FRMPD4: variants seen among roughly 807,000 people sequenced by gnomAD.
FRMPD4 encodes the protein FERM and PDZ domain containing 4, also known as FERM and PDZ domain-containing protein 4.
In FRMPD4, 22 loss-of-function variants were observed where a neutral mutation model predicts 94.1. The ratio of observed to expected loss-of-function variants is 0.23; its 90% CI spans 0.17 to 0.33. The LOEUF (loss-of-function observed/expected upper bound fraction) is 0.33, where lower values mean the gene tolerates loss of function less well. Among genes scored for constraint, FRMPD4 ranks in the 10% least tolerant of loss-of-function variants. FRMPD4 has a pLI of 1.00. For missense variants in FRMPD4, 1,111 were observed against 1,339.9 expected (o/e 0.83, Z 2.67); for synonymous variants, 631 against 548.6 (o/e 1.15, Z -2.10).
chrX:12,655,945 C>G (rs1031226141), intron 4 of FRMPD4, among the ~76,000 whole-genome samples: 2 of 112,180 alleles, frequency 1.8e-5, no homozygotes, highest in Non-Finnish European at 3.8e-5. Flanking sequence ...ATGCTTACAC[C>G]TTCTTAGTAT....
At chrX:12,435,821 T>A (rs2057060037) in intron 1 of FRMPD4, among the ~76,000 whole-genome samples, 1 of 111,806 alleles carries the variant, frequency 8.9e-6, no homozygotes, top group Admixed American at 9.5e-5. Flanking sequence ...CTAGACCTAG[T>A]GGGAGTTTTT....
chrX:12,502,227 T>C (rs1219577205), intron 2 of FRMPD4, among the ~76,000 whole-genome samples: 1 of 112,388 alleles, frequency 8.9e-6, no homozygotes, highest in Admixed American at 9.5e-5. Context: ...ATTAACTCCA[T>C]TTTTCTGGAT....
chrX:12,698,601 G>A (rs1457279805), intron 9 of FRMPD4, among the ~76,000 whole-genome samples: 1 of 109,250 alleles, frequency 9.2e-6, no homozygotes, highest in African/African-American at 3.4e-5. Flanking sequence ...ATAAAAGCAT[G>A]ATTAGTACCA....
At chrX:11,860,933 A>G (rs1244776371) in intron 1 of FRMPD4, among the ~76,000 whole-genome samples, 1 of 112,182 alleles carries the variant, frequency 8.9e-6, no homozygotes, top group African/African-American at 3.2e-5. Flanking sequence ...CTCTATTCAC[A>G]TAAGAGCAGA....
At chrX:12,538,206 C>T (rs1406324668) in intron 2 of FRMPD4, among the ~76,000 whole-genome samples, 3 of 111,524 alleles carry the variant, frequency 2.7e-5, no homozygotes, top group Non-Finnish European at 5.7e-5. Context: ...CAGAGGGTCC[C>T]ATGCCCACGG....
intron 2 of FRMPD4, among the ~76,000 whole-genome samples, chrX:12,577,332 A>AG (rs1415033911): frequency 1.8e-5 from 2 of 111,109 alleles, no homozygotes; most frequent in Non-Finnish European, 3.8e-5. Flanking sequence ...GAAGAAAGTG[A>AG]GGGGGGATTA....
chrX:11,991,328 T>A (rs1308282431), intron 3 of FRMPD4, among the ~76,000 whole-genome samples: 2 of 111,480 alleles, frequency 1.8e-5, no homozygotes, highest in Non-Finnish European at 3.8e-5. Flanking sequence ...AGATCCAGTG[T>A]TTCAGGCATA....
At chrX:12,613,387 G>A (rs960557800) in intron 3 of FRMPD4, among the ~76,000 whole-genome samples, 8 of 112,024 alleles carry the variant, frequency 7.1e-5, no homozygotes, top group African/African-American at 9.7e-5. Flanking sequence ...GATCTAGTCC[G>A]TCCTTCAAGT....
At chrX:12,524,858 G>A (rs370154063) in intron 2 of FRMPD4, among the ~76,000 whole-genome samples, 23 of 111,567 alleles carry the variant, frequency 2.1e-4, no homozygotes, top group Admixed American at 8.6e-4. Context: ...TGTCCAACCC[G>A]CAATCCATGG....
At position 12,718,037 on chromosome X, in the gene FRMPD4, C is replaced by T; in HGVS notation, c.3211C>T (p.Arg1071Ter). 1 of 1,211,104 alleles carries T rather than the reference C, an allele frequency of 8.3e-7. No homozygotes were observed. Among genetic ancestry groups the T allele is most frequent in the Non-Finnish European group, 1.1e-6 (1 of 894,785 alleles). The part of the protein sequence containing the change: ...ASGKFGTVSS[R>*]DSQHLSTFNL... ...TGGTAAATTTGGTACTGTGTCTTCA[C>T]GAGACAGTCAACACCTGAGCACTTT... Residue 1071 changes from arginine (R) to a stop codon, truncating the protein, a stop_gained, in exon 16 of 17, where the codon CGA (arginine) becomes TGA (stop). Coordinates refer to ENST00000675598, the MANE Select transcript of FRMPD4 (RefSeq NM_001368397.1). LOFTEE classifies it high-confidence loss of function.
At chrX:12,209,043 G>T (rs928085926) in intron 1 of FRMPD4, among the ~76,000 whole-genome samples, 1 of 111,580 alleles carries the variant, frequency 9.0e-6, no homozygotes, top group Non-Finnish European at 1.9e-5. Flanking sequence ...TGAGATTAAC[G>T]ATCACATTAT....
intron 3 of FRMPD4, among the ~76,000 whole-genome samples, chrX:12,096,762 C>T (rs1266804128): frequency 9.0e-6 from 1 of 111,166 alleles, no homozygotes; most frequent in African/African-American, 3.3e-5. Context: ...TTGTGTGCAC[C>T]TATAGTCCTA....
chrX:12,263,328 G>A (rs751032835), intron 1 of FRMPD4, among the ~76,000 whole-genome samples: 1 of 111,581 alleles, frequency 9.0e-6, no homozygotes, highest in Non-Finnish European at 1.9e-5. Flanking sequence ...GTGAGAGTAT[G>A]CCTGACATGC....
chrX:11,917,579 G>A (rs2054031502), intron 3 of FRMPD4, among the ~76,000 whole-genome samples: 1 of 112,146 alleles, frequency 8.9e-6, no homozygotes, highest in African/African-American at 3.2e-5. Flanking sequence ...GGGAAATCGT[G>A]TTCTTTGCAG....
intron 1 of FRMPD4, among the ~76,000 whole-genome samples, chrX:12,466,878 G>C: frequency 8.9e-6 from 1 of 112,068 alleles, no homozygotes; most frequent in Non-Finnish European, 1.9e-5. Context: ...AGAATCAATG[G>C]AAGGAACGTC....
intron 1 of FRMPD4, among the ~76,000 whole-genome samples, chrX:12,160,731 T>C (rs1170459492): frequency 9.0e-6 from 1 of 111,672 alleles, no homozygotes; most frequent in African/African-American, 3.3e-5. Context: ...AGAATATCCC[T>C]GTGTCAAAAT....
chrX:11,875,914 C>G (rs982391646), intron 2 of FRMPD4, among the ~76,000 whole-genome samples: 93 of 82,129 alleles, frequency 1.1e-3, no homozygotes, highest in Non-Finnish European at 1.6e-3. Flanking sequence ...CTCGCTCTGT[C>G]GCCCAGGCTG....
At chrX:12,469,333 T>G (rs554431792) in intron 1 of FRMPD4, among the ~76,000 whole-genome samples, 2 of 111,217 alleles carry the variant, frequency 1.8e-5, no homozygotes, top group African/African-American at 6.5e-5. Flanking sequence ...CACTGCAGCC[T>G]CCAGCTTCCA....
Position 12,138,961 on chromosome X carries a change from C to A in FRMPD4, c.-11C>A. On this transcript the variant is annotated 5_prime_UTR_variant, in exon 1 of 17. Coordinates refer to ENST00000675598, the MANE Select transcript of FRMPD4 (RefSeq NM_001368397.1). ...CGGAGTTGTCGCGCTCGGGGGTCCC[C>A]AGCTGCCTGCATGGATGTCTTCAGC... 1 of 1,155,690 alleles carries A rather than the reference C, an allele frequency of 8.7e-7. No homozygotes were observed. Among genetic ancestry groups the A allele is most frequent in the Non-Finnish European group, 1.2e-6 (1 of 867,033 alleles).
Sources: allele counts gnomAD v4.1 joint callset (sites outside exome capture counted in the v4.1 genomes callset), GRCh38; gene constraint gnomAD v4.1.1; transcripts MANE v1.5; gene names NCBI Gene and HGNC (gene_info 2026-07-23, HGNC 2026-07-21).